The following COPS7B variants were observed in gnomAD, a reference collection of about 807,000 sequenced individuals.
COPS7B encodes COP9 signalosome subunit 7B.
In COPS7B, 9 loss-of-function variants were observed where a neutral mutation model predicts 33.4. The ratio of observed to expected loss-of-function variants is 0.27; its 90% CI spans 0.16 to 0.47. The LOEUF is 0.47. Ranked by LOEUF, COPS7B falls within the 20% of genes least tolerant of loss-of-function variation. The pLI, the probability that COPS7B is intolerant of heterozygous loss-of-function variation, is 0.99. For synonymous variants in COPS7B, 119 were observed against 126.3 expected (o/e 0.94, Z 0.39); for missense variants, 242 against 318.2 (o/e 0.76, Z 1.82).
At chr2:231,791,927 T>G in intron 3 of COPS7B, 119 bp downstream of exon 3, 1 of 889,440 alleles carries the variant, frequency 1.1e-6, no homozygotes. Context: ...CCTGGCTGCC[T>G]CCCATTTTGC....
chr2:231,783,881 A>G (rs921313141), upstream of COPS7B, among the ~76,000 whole-genome samples: 1 of 152,170 alleles, frequency 6.6e-6, no homozygotes, highest in African/African-American at 2.4e-5. Flanking sequence ...TAGTAAGACT[A>G]TAGGTGTACT....
In COPS7B at chr2:231,805,578, C is replaced by T. The variant is rs189393125; in HGVS notation, c.637-1909C>T. Among the ~76,000 whole-genome samples the T allele has an allele frequency of 9.2e-5, 14 of 151,634 alleles. No homozygotes were observed. In the East Asian group the frequency reaches 2.7e-3, roughly 29 times the overall value. On this transcript the variant is annotated intron_variant, in intron 6 of 6. Transcript: ENST00000350033. Reference sequence around the variant, plus strand: ...TCCTGGACTTAAGTGATCCTCCTGCCTCAGCCTCCTGAATAGCTAGGACTA... The same window carrying T: ...TCCTGGACTTAAGTGATCCTCCTGCTTCAGCCTCCTGAATAGCTAGGACTA...
chr2:231,799,003 A>G (rs772149260), intron 6 of COPS7B, 39 bp downstream of exon 6: 6 of 1,538,032 alleles, frequency 3.9e-6, no homozygotes, highest in Middle Eastern at 1.7e-4. Context: ...CTCTCCAGGC[A>G]TACCTGTTTA....
chr2:231,787,771 T>C (rs1443640714), intron 1 of COPS7B, among the ~76,000 whole-genome samples: 1 of 152,246 alleles, frequency 6.6e-6, no homozygotes, highest in African/African-American at 2.4e-5. Flanking sequence ...CTTTCTTGTC[T>C]GGTTTTTTGT....
At chr2:231,795,044 C>T (rs1438849880) in intron 4 of COPS7B, among the ~76,000 whole-genome samples, 5 of 151,866 alleles carry the variant, frequency 3.3e-5, no homozygotes, top group South Asian at 2.1e-4. Flanking sequence ...CTCAGCCTCC[C>T]GAGTAGCTGG....
intron 3 of COPS7B, 187 bp downstream of exon 3, chr2:231,791,995 T>G (rs1301373573): frequency 1.4e-6 from 1 of 694,962 alleles, no homozygotes; most frequent in Non-Finnish European, 2.7e-6. Flanking sequence ...TATATTCTAG[T>G]GGGTCAAATG....
chr2:231,782,331 T>TTGCGAG (rs2049150215), upstream of COPS7B, among the ~76,000 whole-genome samples: 1 of 152,246 alleles, frequency 6.6e-6, no homozygotes, highest in Non-Finnish European at 1.5e-5. Flanking sequence ...GGTGGATTTC[T>TTGCGAG]TGCGAGTGAG....
chr2:231,798,728 A>T, intron 5 of COPS7B, 131 bp from the exon 6 acceptor site: 1 of 670,642 alleles, frequency 1.5e-6, no homozygotes, highest in East Asian at 2.7e-5. Context: ...CGGGCAAGAG[A>T]TGTGGCAGAG....
chr2:231,786,325 G>C (rs1010232088), upstream of COPS7B: 3 of 501,208 alleles, frequency 6.0e-6, no homozygotes, highest in Non-Finnish European at 7.7e-6. Flanking sequence ...CTTCCCCACC[G>C]GAGGTCGAAG....
At chr2:231,787,010 C>T (rs2049267605) in intron 1 of COPS7B, among the ~76,000 whole-genome samples, 1 of 152,160 alleles carries the variant, frequency 6.6e-6, no homozygotes, top group African/African-American at 2.4e-5. Flanking sequence ...CCACCCCCAC[C>T]TCCTAACATT....
upstream of COPS7B, among the ~76,000 whole-genome samples, chr2:231,782,892 C>G (rs1030975331): frequency 6.6e-6 from 1 of 152,148 alleles, no homozygotes; most frequent in Non-Finnish European, 1.5e-5. Flanking sequence ...GTATACACCC[C>G]TGTCGCCACT....
chr2:231,794,487 A>C, intron 4 of COPS7B, 136 bp downstream of exon 4: 2 of 671,336 alleles, frequency 3.0e-6, no homozygotes, highest in Non-Finnish European at 2.6e-6. Flanking sequence ...AGAGGAAAAG[A>C]TAAAATGGTG....
intron 6 of COPS7B, among the ~76,000 whole-genome samples, chr2:231,803,053 G>C (rs1347100094): frequency 6.6e-6 from 1 of 152,232 alleles, no homozygotes; most frequent in Non-Finnish European, 1.5e-5. Context: ...GGTAACGACT[G>C]TAGAGGACTT....
intron 2 of COPS7B, 129 bp from the exon 3 acceptor site, chr2:231,791,604 C>A: frequency 1.4e-6 from 1 of 703,192 alleles, no homozygotes. Flanking sequence ...ACCCCAGGGG[C>A]CAAGTAATCA....
chr2:231,786,472 A>C lies in COPS7B; in HGVS notation c.-83A>C. On this transcript the variant is annotated 5_prime_UTR_variant, in exon 1 of 7. An upstream open reading frame in the 5' UTR loses its in-frame stop. Coordinates refer to ENST00000350033, the MANE Select transcript of COPS7B (RefSeq NM_022730.4). ...ACGCCGGGGTGATCATGGACGCTTG[A>C]CAACCTGCGGGCAGGCGCCGGGAGG... 1.0e-6 allele frequency: 1 copy of C among 986,016 alleles called. No homozygotes were observed. The highest frequency in any genetic ancestry group is 1.2e-6 in the Non-Finnish European group (1 of 830,094). The allele number at this position is 986,016 out of a possible 1,614,324, so 61.1% of individuals were successfully genotyped here. A position where few individuals can be genotyped will look rare whatever the true frequency, so the allele number is the denominator to read the frequency against.
intron 6 of COPS7B, among the ~76,000 whole-genome samples, chr2:231,801,748 G>A (rs947594410): frequency 4.0e-5 from 6 of 151,336 alleles, no homozygotes; most frequent in East Asian, 1.9e-4. Flanking sequence ...GATTACAGGC[G>A]TGAGCCACCA....
upstream of COPS7B, chr2:231,786,343 A>G (rs1208246587): frequency 1.4e-6 from 1 of 716,118 alleles, no homozygotes; most frequent in Non-Finnish European, 1.7e-6. Flanking sequence ...AAGGCTGTAA[A>G]CGCGGCGGGT....
chr2:231,807,923 T>G lies in COPS7B; in HGVS notation c.*278T>G, dbSNP rs2049942983. 1 of 338,904 alleles carries G rather than the reference T, an allele frequency of 3.0e-6. No individual in the cohort carries two copies. Among genetic ancestry groups the G allele is most frequent in the Admixed American group, 4.6e-5 (1 of 21,632 alleles). 21.0% of individuals were successfully genotyped at this position (338,904 alleles called of 1,614,324 possible). On this transcript the variant is annotated 3_prime_UTR_variant, in exon 7 of 7. Transcript: ENST00000350033. ...AGCTTCCCTCCAGGAGGTTCTTGTCTCTGTGTAAGGGCTTGTCTCCCTCCC... is the reference window on the plus strand; with the variant it reads ...AGCTTCCCTCCAGGAGGTTCTTGTCGCTGTGTAAGGGCTTGTCTCCCTCCC...
chr2:231,792,353 G>C, intron 3 of COPS7B: 2 of 257,026 alleles, frequency 7.8e-6, no homozygotes, highest in Non-Finnish European at 1.5e-5. Flanking sequence ...TTAGCTCGGC[G>C]TGGTGGTGGG....
Sources: gnomAD v4.1 joint callset for allele counts (sites outside exome capture counted in the v4.1 genomes callset) on GRCh38, gnomAD v4.1.1 for gene constraint, MANE v1.5 for transcripts, NCBI Gene and HGNC (gene_info 2026-07-23, HGNC 2026-07-21) for gene names.